Variants in ACTC1 observed in about 807,000 individuals in gnomAD.
ACTC1 encodes the protein actin alpha cardiac muscle 1.
In ACTC1, 10 loss-of-function variants were observed where a neutral mutation model predicts 31.6. That is an observed-to-expected ratio of 0.32 (90% CI 0.19 to 0.54). The LOEUF is 0.54. Among genes scored for constraint, ACTC1 ranks in the 20% least tolerant of loss-of-function variants. The pLI, the probability that ACTC1 is intolerant of heterozygous loss-of-function variation, is 0.95. For missense variants in ACTC1, 129 were observed against 506.4 expected, an observed-to-expected ratio of 0.25 and a Z score of 7.15; for synonymous variants, 196 against 185.0, an observed-to-expected ratio of 1.06 and a Z score of -0.48.
chr15:34,791,137 C>A lies in ACTC1; in HGVS notation c.967G>T (p.Ala323Ser), dbSNP rs771011464. ...DRMQKEITAL[A>S]PSTMKIKIIA... ...ACCTTAATCTTCATGGTGCTAGGAGCCAGAGCAGTGATTTCCTTCTGCATA... is the reference window on the plus strand; with the variant it reads ...ACCTTAATCTTCATGGTGCTAGGAGACAGAGCAGTGATTTCCTTCTGCATA... Residue 323 changes from alanine (A) to serine (S), a missense_variant, in exon 6 of 7, where the codon GCT (alanine) becomes TCT (serine). Transcript: ENST00000290378. The A allele has an allele frequency of 1.2e-6, 2 of 1,606,632 alleles. No individual in the cohort carries two copies. The highest frequency in any genetic ancestry group is 1.7e-6 in the Non-Finnish European group (2 of 1,174,136).
rs900736692 is a variant in ACTC1, at chr15:34,793,056, G to C, written c.454+189C>G. ...AAGGACCTATCTCCACAAGCTATCA[G>C]CTCCAACAATAATTGTGCTCCGAAA... is the stretch of plus-strand genomic sequence containing the variant. On this transcript the variant is annotated intron_variant, in intron 3 of 6. Coordinates refer to ENST00000290378, the MANE Select transcript of ACTC1 (RefSeq NM_005159.5). This position sits in a 1 kb window ranked among gnomAD's most constrained non-coding sequence, Gnocchi z 4.8. 1.3e-5 allele frequency among the ~76,000 whole-genome samples: 2 copies of C among 152,190 alleles called. No homozygotes were observed. The highest frequency in any genetic ancestry group is 4.8e-5 in the African/African-American group (2 of 41,444).
In ACTC1 at chr15:34,792,295, G is replaced by C. The variant is rs1250232198; in HGVS notation, c.617-14C>G. The C allele has an allele frequency of 1.2e-6, 2 of 1,614,206 alleles. No homozygotes were observed. The highest frequency in any genetic ancestry group is 1.1e-5 in the South Asian group (1 of 91,082). On this transcript the variant is annotated splice_polypyrimidine_tract_variant and intron_variant, in intron 4 of 6. Transcript: ENST00000290378. The surrounding 1 kb of genome is among the most constrained non-coding windows in gnomAD (Gnocchi z 5.3). ...TTTCACGTTCAGCTACAGAAATAAAGAGTATCACAGTCATGCTCTGAAGCA... is the reference window on the plus strand; with the variant it reads ...TTTCACGTTCAGCTACAGAAATAAACAGTATCACAGTCATGCTCTGAAGCA...
In ACTC1 at chr15:34,793,661, G is replaced by A; in HGVS notation, c.130-92C>T. The A allele has an allele frequency of 8.5e-7, 1 of 1,174,016 alleles. No individual in the cohort carries two copies. Among genetic ancestry groups the A allele is most frequent in the Non-Finnish European group, 1.2e-6 (1 of 801,856 alleles). The allele number at this position is 1,174,016 out of a possible 1,614,324, so 72.7% of individuals were successfully genotyped here. The stretch of plus-strand genomic sequence containing the variant: ...ATTTATATCTAACTGCCCAAGTCAA[G>A]GAACATATTTAAATACCAGAAATAA... On this transcript the variant is annotated intron_variant, in intron 2 of 6. Transcript: ENST00000290378. The surrounding 1 kb of genome is among the most constrained non-coding windows in gnomAD (Gnocchi z 4.8).
At position 34,792,329 on chromosome 15, in the gene ACTC1, A is replaced by T. The variant is rs569463018; in HGVS notation, c.617-48T>A. 6.2e-7 allele frequency: 1 copy of T among 1,614,074 alleles called. No homozygotes were observed. The highest frequency in any genetic ancestry group is 1.1e-5 in the South Asian group (1 of 91,082). ...AGTCATGCTCTGAAGCAAGAAGTCAATTATAGGGAGGTAGGCGGATTCAGT... is the reference window on the plus strand; with the variant it reads ...AGTCATGCTCTGAAGCAAGAAGTCATTTATAGGGAGGTAGGCGGATTCAGT... On this transcript the variant is annotated intron_variant, in intron 4 of 6. Transcript: ENST00000290378. This position sits in a 1 kb window ranked among gnomAD's most constrained non-coding sequence, Gnocchi z 5.3.
At chr15:34,795,385 C>T (rs1891805506) in intron 1 of ACTC1, 121 bp downstream of exon 1, 1 of 150,742 alleles carries the variant, frequency 6.6e-6, no homozygotes, top group Non-Finnish European at 1.5e-5. Context: ...CGCAGAGCGG[C>T]AGGAGCTGGG....
intron 1 of ACTC1, 51 bp downstream of exon 1, chr15:34,795,455 G>C (rs1018489371): frequency 1.3e-5 from 2 of 152,282 alleles, no homozygotes; most frequent in African/African-American, 2.4e-5. Context: ...CGTCCGGCGC[G>C]GCCCGCGGAC....
intron 1 of ACTC1, 22 bp downstream of exon 1, chr15:34,795,484 G>A (rs747868246): frequency 6.6e-6 from 1 of 152,474 alleles, no homozygotes; most frequent in Non-Finnish European, 1.5e-5. Context: ...GAGTGAACGC[G>A]GAGGGCCGGG....
At chr15:34,794,925 GT>G in intron 1 of ACTC1, 95 bp from the exon 2 acceptor site, 2 of 1,245,804 alleles carry the variant, frequency 1.6e-6, no homozygotes, top group Non-Finnish European at 2.2e-6. Context: ...GAAGGGGGTT[GT>G]GGGGACTGGA....
In ACTC1 at chr15:34,792,393, G is replaced by A. The variant is rs1379792203; in HGVS notation, c.616+15C>T. The A allele has an allele frequency of 2.5e-6, 4 of 1,614,068 alleles. No individual in the cohort carries two copies. The highest frequency in any genetic ancestry group is 3.4e-6 in the Non-Finnish European group (4 of 1,180,016). ...AGCAGACCCACACTGTGGCAGATGA[G>A]ACACACACACTCACCAGTGGTGACA... On this transcript the variant is annotated intron_variant, in intron 4 of 6. Coordinates refer to ENST00000290378, the MANE Select transcript of ACTC1 (RefSeq NM_005159.5). The surrounding 1 kb of genome is among the most constrained non-coding windows in gnomAD (Gnocchi z 5.3).
At position 34,793,635 on chromosome 15, in the gene ACTC1, C is replaced by A; in HGVS notation, c.130-66G>T. The stretch of plus-strand genomic sequence containing the variant: ...TCAGGAATATAATCAGTGTCTTGTC[C>A]ATTTATATCTAACTGCCCAAGTCAA... On this transcript the variant is annotated intron_variant, in intron 2 of 6. Coordinates refer to ENST00000290378, the MANE Select transcript of ACTC1 (RefSeq NM_005159.5). This position sits in a 1 kb window ranked among gnomAD's most constrained non-coding sequence, Gnocchi z 4.8. 6.9e-7 allele frequency: 1 copy of A among 1,443,238 alleles called. No homozygotes were observed. The allele number at this position is 1,443,238 out of a possible 1,614,324, so 89.4% of individuals were successfully genotyped here. A position where few individuals can be genotyped will look rare whatever the true frequency, so the allele number is the denominator to read the frequency against.
chr15:34,792,714 A>C lies in ACTC1; in HGVS notation c.455-145T>G. ...ATAAAATTAGATTCCTTACACACAA[A>C]GAATAAAAATGCGCATCAGGAATAC... On this transcript the variant is annotated intron_variant, in intron 3 of 6. Coordinates refer to ENST00000290378, the MANE Select transcript of ACTC1 (RefSeq NM_005159.5). This position sits in a 1 kb window ranked among gnomAD's most constrained non-coding sequence, Gnocchi z 5.3. The C allele has an allele frequency of 1.2e-6, 1 of 850,870 alleles. No homozygotes were observed. Among genetic ancestry groups the C allele is most frequent in the Non-Finnish European group, 1.9e-6 (1 of 520,878 alleles). 52.7% of individuals were successfully genotyped at this position (850,870 alleles called of 1,614,324 possible).
chr15:34,790,631 T>A, intron 6 of ACTC1, 76 bp from the exon 7 acceptor site: 1 of 1,565,984 alleles, frequency 6.4e-7, no homozygotes, highest in Non-Finnish European at 8.8e-7. Context: ...TTGGGAGGAT[T>A]CACAGAAAAA....
chr15:34,794,767 G>A lies in ACTC1; in HGVS notation c.42C>T (p.Asn14=), dbSNP rs1257278537. The A allele has an allele frequency of 2.5e-6, 4 of 1,613,784 alleles. No homozygotes were observed. The highest frequency in any genetic ancestry group is 3.4e-6 in the Non-Finnish European group (4 of 1,179,882). ...AGCCGGCCTTCACCAGCCCAGAGCC[G>A]TTGTCGCACACCAGGGCGGTGGTCT... ...DEETTALVCD[N]GSGLVKAGFA... Residue 14 remains asparagine (N), a synonymous_variant, in exon 2 of 7, where the codon AAC becomes AAT. Transcript: ENST00000290378.
rs730880387 is a variant in ACTC1, at chr15:34,794,752, C to CTG, written c.56_57insCA (p.Lys20ArgfsTer38). On this transcript the variant is annotated frameshift_variant, in exon 2 of 7. Coordinates refer to ENST00000290378, the MANE Select transcript of ACTC1 (RefSeq NM_005159.5). LOFTEE classifies it high-confidence loss of function. The stretch of plus-strand genomic sequence containing the variant: ...CGTCATCGCCCGCAAAGCCGGCCTT[C>CTG]ACCAGCCCAGAGCCGTTGTCGCACA... 9.3e-6 allele frequency: 15 copies of CTG among 1,613,612 alleles called. No homozygotes were observed. Among genetic ancestry groups the CTG allele is most frequent in the Non-Finnish European group, 1.2e-5 (14 of 1,179,910 alleles).
Position 34,792,692 on chromosome 15 carries a change from A to G in ACTC1, c.455-123T>C. 9.8e-7 allele frequency: 1 copy of G among 1,016,804 alleles called. No individual in the cohort carries two copies. The highest frequency in any genetic ancestry group is 1.6e-5 in the African/African-American group (1 of 62,920). The allele number at this position is 1,016,804 out of a possible 1,614,324, so 63.0% of individuals were successfully genotyped here. A position where few individuals can be genotyped will look rare whatever the true frequency, so the allele number is the denominator to read the frequency against. On this transcript the variant is annotated intron_variant, in intron 3 of 6. Transcript: ENST00000290378. This position sits in a 1 kb window ranked among gnomAD's most constrained non-coding sequence, Gnocchi z 5.3. ...CTAGCAATGGGCATTGATCCAGATA[A>G]AATTAGATTCCTTACACACAAAGAA...
chr15:34,792,471 G>A lies in ACTC1; in HGVS notation c.553C>T (p.Arg185Trp), dbSNP rs397517065. Residue 185 changes from arginine (R) to tryptophan (W), a missense_variant, in exon 4 of 7, where the codon CGG (arginine) becomes TGG (tryptophan). Arg to Trp is a moderately radical substitution (Grantham distance 101). This residue lies in a region of ACTC1 where 37 missense variants were observed against 228.6 expected (regional missense o/e 0.16). Transcript: ENST00000290378. The surrounding 1 kb of genome is among the most constrained non-coding windows in gnomAD (Gnocchi z 5.3). The part of the protein sequence containing the change: ...HAIMRLDLAG[R>W]DLTDYLMKIL... ...TTCATGAGGTAGTCAGTGAGGTCCC[G>A]ACCAGCCAGATCCAGACGCATGATG... The A allele has an allele frequency of 6.2e-7, 1 of 1,614,084 alleles. No homozygotes were observed. The highest frequency in any genetic ancestry group is 1.1e-5 in the South Asian group (1 of 91,072).
At chr15:34,791,037 G>A (rs1891693867) in intron 6 of ACTC1, 77 bp downstream of exon 6, 2 of 1,383,784 alleles carry the variant, frequency 1.4e-6, no homozygotes, top group African/African-American at 1.4e-5. Flanking sequence ...GAGTATGAGG[G>A]AAAAGGAATT....
At position 34,793,739 on chromosome 15, in the gene ACTC1, C is replaced by T. The variant is rs998931382; in HGVS notation, c.130-170G>A. Among the ~76,000 whole-genome samples, 2 of 152,202 alleles carry T rather than the reference C, an allele frequency of 1.3e-5. No homozygotes were observed. Among genetic ancestry groups the T allele is most frequent in the African/African-American group, 4.8e-5 (2 of 41,452 alleles). Reference sequence around the variant, plus strand: ...GAAGAATTATTTAAAAATCAATCTTCTACCTTCTCCCCACTCCCCCAAAGA... The same window carrying T: ...GAAGAATTATTTAAAAATCAATCTTTTACCTTCTCCCCACTCCCCCAAAGA... On this transcript the variant is annotated intron_variant, in intron 2 of 6. Transcript: ENST00000290378. This position sits in a 1 kb window ranked among gnomAD's most constrained non-coding sequence, Gnocchi z 4.8.
intron 1 of ACTC1, among the ~76,000 whole-genome samples, chr15:34,795,188 C>T (rs1167355965): frequency 1.3e-5 from 2 of 152,090 alleles, no homozygotes; most frequent in Non-Finnish European, 2.9e-5. Context: ...CTGTCCATAT[C>T]GCCATGCCTG....
Sources: allele counts gnomAD v4.1 joint callset (sites outside exome capture counted in the v4.1 genomes callset), GRCh38; gene constraint gnomAD v4.1.1; regional missense constraint gnomAD v4.1.1; non-coding constraint Gnocchi (gnomAD v3.1); transcripts MANE v1.5; gene names NCBI Gene and HGNC (gene_info 2026-07-23, HGNC 2026-07-21).